Variants in SYNE1 observed in about 807,000 individuals in gnomAD.
SYNE1 encodes nesprin-1.
Under a neutral mutation model 1,111.0 loss-of-function variants are expected in SYNE1, and 616 were observed. The observed-to-expected ratio is 0.55, with a 90% CI of 0.52 to 0.59. SYNE1 has a LOEUF of 0.59. Among genes scored for constraint, SYNE1 ranks in the 20% least tolerant of loss-of-function variants. The pLI, the probability that SYNE1 is intolerant of heterozygous loss-of-function variation, is 0.00. For synonymous variants in SYNE1, 3,855 were observed against 3,825.8 expected (o/e 1.01, Z -0.28); for missense variants, 10,006 against 10,417.0 (o/e 0.96, Z 1.72).
intron 135 of SYNE1, among the ~76,000 whole-genome samples, chr6:152,151,349 T>C (rs2060388836): frequency 6.6e-6 from 1 of 152,158 alleles, no homozygotes; most frequent in Admixed American, 6.5e-5. Context: ...ATAAGAGCAC[T>C]ACCCAGATAT....
At chr6:152,390,003 G>A (rs1591708388) in intron 53 of SYNE1, among the ~76,000 whole-genome samples, 1 of 152,168 alleles carries the variant, frequency 6.6e-6, no homozygotes, top group African/African-American at 2.4e-5. Context: ...GGCTTGAAAG[G>A]AGATGTTTTG....
At chr6:152,259,310 T>C (rs531913405) in intron 101 of SYNE1, among the ~76,000 whole-genome samples, 1 of 152,322 alleles carries the variant, frequency 6.6e-6, no homozygotes, top group South Asian at 2.1e-4. Context: ...TATTTCCTTA[T>C]TCGGGTTATA....
At chr6:152,275,894 CA>C (rs796637614) in intron 98 of SYNE1, among the ~76,000 whole-genome samples, 12 of 145,858 alleles carry the variant, frequency 8.2e-5, no homozygotes, top group Middle Eastern at 3.5e-3. Flanking sequence ...AAAAAAAAAA[CA>C]AAAAAAAATC....
At chr6:152,567,667 C>T (rs1376496818) in intron 3 of SYNE1, among the ~76,000 whole-genome samples, 1 of 152,106 alleles carries the variant, frequency 6.6e-6, no homozygotes, top group Non-Finnish European at 1.5e-5. Flanking sequence ...TAACTTTGCA[C>T]TTACAGATTT....
intron 40 of SYNE1, among the ~76,000 whole-genome samples, chr6:152,418,656 G>A (rs2098204757): frequency 1.3e-5 from 2 of 152,086 alleles, no homozygotes; most frequent in Non-Finnish European, 2.9e-5. Flanking sequence ...AGAACCTGAG[G>A]AGCAGCAAAT....
chr6:152,605,079 AGGAAGGAAGGAAGGAAGGAAG>A (rs1565144021), intron 3 of SYNE1, among the ~76,000 whole-genome samples: 1 of 23,964 alleles, frequency 4.2e-5, no homozygotes, highest in African/African-American at 1.1e-4. Flanking sequence ...GGAGGAAAGA[AGGAAGGAAGGAAGGAAGGAAG>A]GAAGGAAGGA....
At chr6:152,413,147 G>A (rs915914023) in intron 42 of SYNE1, among the ~76,000 whole-genome samples, 1 of 152,090 alleles carries the variant, frequency 6.6e-6, no homozygotes, top group Non-Finnish European at 1.5e-5. Context: ...CACCGTGCCT[G>A]GCCTATAATT....
intron 4 of SYNE1, among the ~76,000 whole-genome samples, chr6:152,529,447 G>C (rs2099185092): frequency 6.6e-6 from 1 of 152,102 alleles, no homozygotes; most frequent in South Asian, 2.1e-4. Flanking sequence ...CAGTGACCTA[G>C]GGACTAGTGT....
intron 95 of SYNE1, among the ~76,000 whole-genome samples, chr6:152,290,654 T>C (rs1427052175): frequency 6.6e-6 from 1 of 152,038 alleles, no homozygotes; most frequent in Admixed American, 6.6e-5. Context: ...AAAGGAAAAA[T>C]GTAGGAATTA....
intron 6 of SYNE1, chr6:152,511,686 G>A: frequency 3.0e-6 from 4 of 1,333,486 alleles, no homozygotes; most frequent in Non-Finnish European, 4.3e-6. Flanking sequence ...GAGGTAGGTA[G>A]TCAGTTTAGA....
chr6:152,608,143 T>C (rs1411172598), intron 3 of SYNE1, among the ~76,000 whole-genome samples: 2 of 138,540 alleles, frequency 1.4e-5, no homozygotes, highest in Non-Finnish European at 3.1e-5. Flanking sequence ...ACATGTATAC[T>C]GGAACTTAAA....
In SYNE1 at chr6:152,511,127, C is replaced by T. The variant is rs1259505929; in HGVS notation, c.310-24G>A. 4 of 1,574,978 alleles carry T rather than the reference C, an allele frequency of 2.5e-6. No individual in the cohort carries two copies. The African/African-American group carries it at 5.4e-5, about 21-fold the overall frequency. On this transcript the variant is annotated intron_variant, in intron 6 of 145. Transcript: ENST00000367255. ...ATCTGTTTAAAAAAGAGAAACTGTA[C>T]TAGTAATGTACTAGAATATTATAAC... is the stretch of plus-strand genomic sequence containing the variant.
intron 4 of SYNE1, among the ~76,000 whole-genome samples, chr6:152,538,971 A>G (rs1352744466): frequency 6.6e-6 from 1 of 152,164 alleles, no homozygotes; most frequent in African/African-American, 2.4e-5. Context: ...ACACAAAGTA[A>G]GCAGTGAATC....
chr6:152,324,830 T>C (rs1240969955), intron 81 of SYNE1, among the ~76,000 whole-genome samples: 1 of 152,164 alleles, frequency 6.6e-6, no homozygotes, highest in Non-Finnish European at 1.5e-5. Flanking sequence ...TGGGGCAAAA[T>C]GGGCTTGTTC....
At chr6:152,201,787 C>T (rs1432702694) in intron 127 of SYNE1, 37 bp downstream of exon 127, 1 of 1,613,788 alleles carries the variant, frequency 6.2e-7, no homozygotes. Flanking sequence ...AGCAGAGGCA[C>T]ACAGGTGACG....
intron 22 of SYNE1, chr6:152,456,840 G>T: frequency 3.0e-6 from 1 of 338,800 alleles, no homozygotes; most frequent in South Asian, 2.2e-5. Flanking sequence ...TCATTTGGAT[G>T]CCATTTTTGG....
chr6:152,167,862 C>T (rs751824391), intron 130 of SYNE1: 2 of 688,824 alleles, frequency 2.9e-6, no homozygotes, highest in Non-Finnish European at 5.6e-6. Context: ...GGTCCAGAGA[C>T]AACTGGAATA....
rs1010759187 is a variant in SYNE1, at chr6:152,380,908, C to T, written c.9009+98G>A. The stretch of plus-strand genomic sequence containing the variant: ...ATACTTCTTCCAAGTGTGCATGTTG[C>T]GTGTTTTTAGTTAGCAAGATTTTTT... On this transcript the variant is annotated intron_variant, in intron 56 of 145. Coordinates refer to ENST00000367255, the MANE Select transcript of SYNE1 (RefSeq NM_182961.4). The T allele has an allele frequency of 2.8e-5, 32 of 1,126,080 alleles. No homozygotes were observed. In the African/African-American group the frequency reaches 3.1e-4, roughly 11 times the overall value. The allele number at this position is 1,126,080 out of a possible 1,614,324, so 69.8% of individuals were successfully genotyped here. A position where few individuals can be genotyped will look rare whatever the true frequency, so the allele number is the denominator to read the frequency against.
chr6:152,426,655 T>C (rs1298239646), intron 38 of SYNE1, among the ~76,000 whole-genome samples: 1 of 152,234 alleles, frequency 6.6e-6, no homozygotes, highest in African/African-American at 2.4e-5. Context: ...ATACCCCACA[T>C]GTATTTGCAA....
Sources: allele counts gnomAD v4.1 joint callset (sites outside exome capture counted in the v4.1 genomes callset), GRCh38; gene constraint gnomAD v4.1.1; transcripts MANE v1.5; gene names NCBI Gene and HGNC (gene_info 2026-07-23, HGNC 2026-07-21).